The following ITPK1 variants were observed in gnomAD, a reference collection of about 807,000 sequenced individuals.
ITPK1 encodes the protein inositol-tetrakisphosphate 1-kinase, also known as inositol 1,3,4-trisphosphate 5/6-kinase.
ITPK1 carries 21 observed loss-of-function variants against 45.3 expected under a neutral mutation model. The observed-to-expected ratio is 0.46, with a 90% CI of 0.33 to 0.67. ITPK1 has a LOEUF of 0.67. ITPK1 is among the 30% of genes least tolerant of loss of function. The pLI is 0.02. For missense variants in ITPK1, 474 were observed against 573.5 expected, an observed-to-expected ratio of 0.83 and a Z score of 1.77; for synonymous variants, 258 against 253.6, an observed-to-expected ratio of 1.02 and a Z score of -0.16.
intron 3 of ITPK1, among the ~76,000 whole-genome samples, chr14:93,073,299 G>T (rs890730188): frequency 1.3e-5 from 2 of 152,362 alleles, no homozygotes; most frequent in South Asian, 4.1e-4. Context: ...CTCTGCAGAG[G>T]TGGGAGGAGG....
At chr14:93,064,743 G>A (rs1391946624) in intron 3 of ITPK1, among the ~76,000 whole-genome samples, 2 of 152,220 alleles carry the variant, frequency 1.3e-5, no homozygotes. Context: ...CTAGACACCA[G>A]GGCAATCAGG....
At chr14:93,022,844 CAAAAACAA>C (rs1355547663) in intron 3 of ITPK1, among the ~76,000 whole-genome samples, 1 of 151,092 alleles carries the variant, frequency 6.6e-6, no homozygotes, top group Non-Finnish European at 1.5e-5. Context: ...TAAAAAACAA[CAAAAACAA>C]AAAAACAAAA....
At chr14:93,018,033 C>T (rs969663494) in intron 3 of ITPK1, among the ~76,000 whole-genome samples, 1 of 152,190 alleles carries the variant, frequency 6.6e-6, no homozygotes, top group South Asian at 2.1e-4. Context: ...CCGCTGCCTG[C>T]CCCTGCAACC....
intron 5 of ITPK1, among the ~76,000 whole-genome samples, chr14:92,988,094 G>A (rs574324436): frequency 1.1e-4 from 16 of 152,340 alleles, no homozygotes; most frequent in African/African-American, 3.1e-4. Flanking sequence ...AACAAAAACA[G>A]TGGTGCTCCC....
intron 7 of ITPK1, among the ~76,000 whole-genome samples, chr14:92,959,638 C>T (rs188890816): frequency 8.7e-4 from 132 of 152,062 alleles, no homozygotes; most frequent in African/African-American, 3.1e-3. Flanking sequence ...CCTGCTTAAG[C>T]GCCACTGTCT....
Position 93,016,127 on chromosome 14 carries a change from C to G in ITPK1, c.246+549G>C, listed in dbSNP as rs761712051. Reference sequence around the variant, plus strand: ...CCAGGGCAGTGGGCAGGTCACTGTGCGATCAGGACCTGGGAGGCCGCTGGG... The same window carrying G: ...CCAGGGCAGTGGGCAGGTCACTGTGGGATCAGGACCTGGGAGGCCGCTGGG... On this transcript the variant is annotated intron_variant, in intron 4 of 10. Coordinates refer to ENST00000267615, the MANE Select transcript of ITPK1 (RefSeq NM_014216.6). The surrounding 1 kb of genome is among the most constrained non-coding windows in gnomAD (Gnocchi z 5.0). Among the ~76,000 whole-genome samples the G allele has an allele frequency of 6.6e-6, 1 of 152,162 alleles. No individual in the cohort carries two copies. The highest frequency in any genetic ancestry group is 2.1e-4 in the South Asian group (1 of 4,826).
intron 4 of ITPK1, among the ~76,000 whole-genome samples, chr14:93,010,569 C>T (rs1887840564): frequency 6.6e-6 from 1 of 152,232 alleles, no homozygotes; most frequent in East Asian, 1.9e-4. Flanking sequence ...CCTGGCCCTG[C>T]CTTTTAGGCA....
intron 5 of ITPK1, among the ~76,000 whole-genome samples, chr14:92,984,487 A>G (rs1004384428): frequency 6.6e-6 from 1 of 152,058 alleles, no homozygotes; most frequent in Admixed American, 6.6e-5. Flanking sequence ...CTTACTTAGG[A>G]TTTTTTTCTT....
At chr14:93,071,315 C>T (rs979129822) in intron 3 of ITPK1, 1 of 152,274 alleles carries the variant, frequency 6.6e-6, no homozygotes, top group African/African-American at 2.4e-5. Context: ...CCAGCCCAGC[C>T]CCATCAGGGC....
chr14:92,974,357 A>G (rs1039258964), intron 5 of ITPK1, among the ~76,000 whole-genome samples: 5 of 152,224 alleles, frequency 3.3e-5, no homozygotes, highest in African/African-American at 7.2e-5. Context: ...GAAGACATTA[A>G]AAGTTCCAGA....
chr14:93,067,207 C>T (rs757019717), intron 3 of ITPK1, among the ~76,000 whole-genome samples: 1 of 152,168 alleles, frequency 6.6e-6, no homozygotes, highest in Non-Finnish European at 1.5e-5. Context: ...GCTTACCTGG[C>T]ACGCTCCACT....
chr14:93,000,974 T>TAA (rs201265189), intron 4 of ITPK1, among the ~76,000 whole-genome samples: 1,512 of 81,826 alleles, frequency 0.018, 60 homozygotes, highest in African/African-American at 0.071. Context: ...AGACTCCAAC[T>TAA]AAAAAAAAAA....
intron 2 of ITPK1, among the ~76,000 whole-genome samples, chr14:93,078,219 C>T (rs1165944165): frequency 1.3e-5 from 2 of 152,208 alleles, no homozygotes; most frequent in Non-Finnish European, 2.9e-5. Context: ...GAGATGGGCA[C>T]AAGCCCCACA....
intron 4 of ITPK1, among the ~76,000 whole-genome samples, chr14:93,000,957 T>C (rs1468965793): frequency 9.9e-6 from 1 of 100,952 alleles, no homozygotes; most frequent in African/African-American, 4.3e-5. Context: ...GCCTGAGAGA[T>C]AAAGTGAGAC....
chr14:93,042,071 A>G (rs1889584891), intron 3 of ITPK1, among the ~76,000 whole-genome samples: 1 of 152,142 alleles, frequency 6.6e-6, no homozygotes, highest in East Asian at 1.9e-4. Context: ...GTCCTCACAG[A>G]CTTCCTCTCA....
Position 92,958,182 on chromosome 14 carries a change from T to C in ITPK1, c.670+19A>G. On this transcript the variant is annotated intron_variant, in intron 8 of 10. Transcript: ENST00000267615. This position sits in a 1 kb window ranked among gnomAD's most constrained non-coding sequence, Gnocchi z 4.4. ...CCCCTGAGTCTTGCTCAGCCCAAGA[T>C]GGTGAGAAGAGCAGTTACCTGATGT... The C allele has an allele frequency of 6.2e-7, 1 of 1,613,506 alleles. No homozygotes were observed. The highest frequency in any genetic ancestry group is 1.1e-5 in the South Asian group (1 of 91,056).
chr14:93,078,368 A>G (rs1438707704), intron 2 of ITPK1, among the ~76,000 whole-genome samples: 1 of 152,224 alleles, frequency 6.6e-6, no homozygotes, highest in Non-Finnish European at 1.5e-5. Context: ...GCGGAACCTC[A>G]CAAAGGAGCC....
rs772907823 is a variant in ITPK1, at chr14:92,941,804, G to C, written c.1002C>G (p.Ala334=). 5 of 1,611,546 alleles carry C rather than the reference G, an allele frequency of 3.1e-6. No individual in the cohort carries two copies. The East Asian group carries it at 1.1e-4, about 36-fold the overall frequency. Residue 334 remains alanine (A), a synonymous_variant, in exon 11 of 11, where the codon GCC becomes GCG. Coordinates refer to ENST00000267615, the MANE Select transcript of ITPK1 (RefSeq NM_014216.6). ...CCAGAAGCTTGCTGTGCCTCAGCAG[G>C]GCCACGTCCCCTGTGGCTGCCATGG... ...STAMAATGDV[A]LLRHSKLLAE... is the part of the protein sequence containing the mutation.
chr14:93,098,346 A>G (rs1892169196), intron 2 of ITPK1, among the ~76,000 whole-genome samples: 1 of 151,806 alleles, frequency 6.6e-6, no homozygotes, highest in South Asian at 2.1e-4. Context: ...AGTCCCAGCT[A>G]CTCGGAAGGT....
Sources: allele counts gnomAD v4.1 joint callset (sites outside exome capture counted in the v4.1 genomes callset), GRCh38; gene constraint gnomAD v4.1.1; non-coding constraint Gnocchi (gnomAD v3.1); transcripts MANE v1.5; gene names NCBI Gene and HGNC (gene_info 2026-07-23, HGNC 2026-07-21).